The following PLGRKT variants were observed in gnomAD, a reference collection of about 807,000 sequenced individuals.
The protein encoded by PLGRKT is plasminogen receptor with a C-terminal lysine.
Under a neutral mutation model 18.5 loss-of-function variants are expected in PLGRKT, and 22 were observed. That is an observed-to-expected ratio of 1.19 (90% CI 0.85 to 1.70). PLGRKT has a LOEUF of 1.70. Ranked by LOEUF, PLGRKT falls within the 40% of genes most tolerant of loss-of-function variation. The pLI is 0.00. For missense variants in PLGRKT, 235 were observed against 174.4 expected (o/e 1.35, Z -1.96); for synonymous variants, 72 against 52.8 (o/e 1.36, Z -1.58).
chr9:5,425,699 A>G (rs1818684003), intron 3 of PLGRKT, among the ~76,000 whole-genome samples: 1 of 152,194 alleles, frequency 6.6e-6, no homozygotes, highest in African/African-American at 2.4e-5. Flanking sequence ...CAAACATTCA[A>G]AAGGCCCTAG....
At chr9:5,390,243 A>G (rs1056121467) in intron 3 of PLGRKT, among the ~76,000 whole-genome samples, 17 of 148,666 alleles carry the variant, frequency 1.1e-4, no homozygotes, top group East Asian at 1.9e-4. Context: ...GTGTATGTGT[A>G]TATATATATA....
chr9:5,421,774 G>A (rs1818579928), intron 3 of PLGRKT, among the ~76,000 whole-genome samples: 1 of 152,116 alleles, frequency 6.6e-6, no homozygotes, highest in Non-Finnish European at 1.5e-5. Context: ...TGAGACACAG[G>A]CAGGCTAAAG....
At chr9:5,404,500 C>T (rs1284151022) in intron 3 of PLGRKT, among the ~76,000 whole-genome samples, 4 of 152,144 alleles carry the variant, frequency 2.6e-5, no homozygotes, top group Non-Finnish European at 5.9e-5. Flanking sequence ...TGTGATTCAT[C>T]GCATAAACAG....
At chr9:5,400,071 A>G (rs1818127760) in intron 3 of PLGRKT, among the ~76,000 whole-genome samples, 1 of 151,936 alleles carries the variant, frequency 6.6e-6, no homozygotes, top group South Asian at 2.1e-4. Context: ...TTTTATTGTT[A>G]TATGTGCAAA....
intron 3 of PLGRKT, among the ~76,000 whole-genome samples, chr9:5,386,065 T>A (rs1374336643): frequency 2.0e-5 from 3 of 151,824 alleles, no homozygotes; most frequent in Non-Finnish European, 4.4e-5. Context: ...CTGTGGGACC[T>A]GAGGACAAGG....
chr9:5,431,626 T>C (rs925662259), intron 3 of PLGRKT, among the ~76,000 whole-genome samples: 1 of 152,022 alleles, frequency 6.6e-6, no homozygotes, highest in African/African-American at 2.4e-5. Flanking sequence ...AACATTATCT[T>C]TGGGGGTGGG....
upstream of PLGRKT, among the ~76,000 whole-genome samples, chr9:5,438,105 T>A (rs1586754246): frequency 3.9e-5 from 6 of 152,102 alleles, no homozygotes; most frequent in South Asian, 1.2e-3. Flanking sequence ...GGAAGCGGAG[T>A]GGAATTCTCA....
At chr9:5,433,325 GCA>G (rs1818872570) in intron 2 of PLGRKT, among the ~76,000 whole-genome samples, 1 of 151,396 alleles carries the variant, frequency 6.6e-6, no homozygotes, top group Non-Finnish European at 1.5e-5. Context: ...GATGTGAGGA[GCA>G]TCTCTTCCTG....
At chr9:5,371,901 T>C (rs1190163571) in intron 3 of PLGRKT, among the ~76,000 whole-genome samples, 1 of 151,374 alleles carries the variant, frequency 6.6e-6, no homozygotes, top group East Asian at 1.9e-4. Flanking sequence ...ATACTTAGGA[T>C]ACCTAAGTAT....
chr9:5,424,739 A>C (rs952672632), intron 3 of PLGRKT, among the ~76,000 whole-genome samples: 1 of 142,348 alleles, frequency 7.0e-6, no homozygotes, highest in Non-Finnish European at 1.5e-5. Flanking sequence ...AGAGAGAGAA[A>C]GAGACAGAGT....
In PLGRKT at chr9:5,433,530, C is replaced by T. The variant is rs62361264; in HGVS notation, c.-6-1547G>A. On this transcript the variant is annotated intron_variant, in intron 2 of 5. Transcript: ENST00000223864. ...CTGGGATGTGAGGAGCGCCTTTGCC[C>T]GGCCGCCCCGTCTGGGATGTGAGGA... Among the ~76,000 whole-genome samples, 1,073 of 145,738 alleles carry T rather than the reference C, an allele frequency of 7.4e-3. 10 individuals carry two copies. Among genetic ancestry groups the T allele is most frequent in the African/African-American group, 0.026 (1,007 of 38,748 alleles).
chr9:5,438,093 G>C (rs1818998292), upstream of PLGRKT, among the ~76,000 whole-genome samples: 4 of 152,238 alleles, frequency 2.6e-5, no homozygotes, highest in South Asian at 4.1e-4. Flanking sequence ...AGATGAGGCA[G>C]AGGAAGCGGA....
chr9:5,402,585 C>G (rs1818175440), intron 3 of PLGRKT, among the ~76,000 whole-genome samples: 1 of 151,792 alleles, frequency 6.6e-6, no homozygotes, highest in Admixed American at 6.6e-5. Flanking sequence ...CTGGGAAATG[C>G]AGTGTGGAGG....
At chr9:5,389,054 G>C (rs1175611426) in intron 3 of PLGRKT, among the ~76,000 whole-genome samples, 4 of 151,882 alleles carry the variant, frequency 2.6e-5, no homozygotes, top group Admixed American at 6.6e-5. Context: ...TCAGTAAGAG[G>C]GTATTAGAGA....
intron 3 of PLGRKT, among the ~76,000 whole-genome samples, chr9:5,430,927 G>C (rs1179011484): frequency 6.6e-6 from 1 of 152,168 alleles, no homozygotes; most frequent in Non-Finnish European, 1.5e-5. Context: ...TTTCTATCCA[G>C]CCACGTCTAA....
chr9:5,363,643 T>C (rs1449993384), intron 3 of PLGRKT, among the ~76,000 whole-genome samples: 1 of 152,096 alleles, frequency 6.6e-6, no homozygotes, highest in Non-Finnish European at 1.5e-5. Context: ...AGCAGGGCCA[T>C]AATTCTCTGT....
intron 3 of PLGRKT, among the ~76,000 whole-genome samples, chr9:5,364,689 C>A (rs987306994): frequency 6.6e-6 from 1 of 152,306 alleles, no homozygotes; most frequent in South Asian, 2.1e-4. Flanking sequence ...TATACATAAA[C>A]ACTGTACTCT....
intron 3 of PLGRKT, among the ~76,000 whole-genome samples, chr9:5,420,424 A>G (rs1003225890): frequency 6.6e-6 from 1 of 152,146 alleles, no homozygotes; most frequent in African/African-American, 2.4e-5. Context: ...TTCACAAGTG[A>G]AAAAAATTAA....
intron 3 of PLGRKT, among the ~76,000 whole-genome samples, chr9:5,402,712 T>C (rs1027508534): frequency 1.3e-5 from 2 of 151,986 alleles, no homozygotes. Flanking sequence ...ACCCAACTTA[T>C]GTCAAATAGT....
Sources: allele counts gnomAD v4.1 joint callset (sites outside exome capture counted in the v4.1 genomes callset), GRCh38; gene constraint gnomAD v4.1.1; transcripts MANE v1.5; gene names NCBI Gene and HGNC (gene_info 2026-07-23, HGNC 2026-07-21).